TACC2: variants seen among roughly 807,000 people sequenced by gnomAD.
TACC2 encodes the protein transforming acidic coiled-coil containing protein 2.
Under a neutral mutation model 227.3 loss-of-function variants are expected in TACC2, and 137 were observed. That is an observed-to-expected ratio of 0.60 (90% CI 0.52 to 0.69). TACC2 has a LOEUF of 0.69. Among genes scored for constraint, TACC2 ranks in the 30% least tolerant of loss-of-function variants. TACC2 has a pLI of 0.00. For synonymous variants in TACC2, 1,523 were observed against 1,487.5 expected (o/e 1.02, Z -0.55); for missense variants, 3,470 against 3,694.4 (o/e 0.94, Z 1.57).
At chr10:122,118,062 G>A (rs918464364) in intron 5 of TACC2, among the ~76,000 whole-genome samples, 2 of 146,426 alleles carry the variant, frequency 1.4e-5, no homozygotes, top group African/African-American at 5.1e-5. Flanking sequence ...TGTCCGGGCT[G>A]GAGTGCAGTG....
At chr10:122,238,656 G>A (rs1374017178) in intron 18 of TACC2, among the ~76,000 whole-genome samples, 1 of 152,014 alleles carries the variant, frequency 6.6e-6, no homozygotes, top group African/African-American at 2.4e-5. Flanking sequence ...TCACCATGTT[G>A]GCCAGGCTGG....
intron 18 of TACC2, among the ~76,000 whole-genome samples, chr10:122,239,084 A>G (rs2095923997): frequency 6.6e-6 from 1 of 151,272 alleles, no homozygotes; most frequent in Non-Finnish European, 1.5e-5. Flanking sequence ...GCTCACTATA[A>G]CCTCCGCCTC....
chr10:122,072,984 G>A (rs2459065), intron 3 of TACC2, among the ~76,000 whole-genome samples: 80,781 of 150,302 alleles, frequency 0.54, 21,907 homozygotes, highest in Non-Finnish European at 0.58. Context: ...GTGGTGGCGC[G>A]GGCCTGTAGT....
At chr10:122,170,693 C>T (rs1269246624) in intron 7 of TACC2, among the ~76,000 whole-genome samples, 1 of 152,224 alleles carries the variant, frequency 6.6e-6, no homozygotes, top group Non-Finnish European at 1.5e-5. Flanking sequence ...AAACCTGTAT[C>T]TGCTTCCCAT....
At chr10:122,057,001 A>G (rs2076276215) in intron 3 of TACC2, among the ~76,000 whole-genome samples, 1 of 151,938 alleles carries the variant, frequency 6.6e-6, no homozygotes, top group African/African-American at 2.4e-5. Context: ...AGACCAGCCT[A>G]GTCAACCTGG....
chr10:122,152,430 G>C (rs1465161625), intron 7 of TACC2, among the ~76,000 whole-genome samples: 1 of 152,238 alleles, frequency 6.6e-6, no homozygotes, highest in African/African-American at 2.4e-5. Flanking sequence ...GAGCGGCTCT[G>C]CTCAAACCAC....
At chr10:122,089,127 G>T (rs1018389016) in intron 5 of TACC2, among the ~76,000 whole-genome samples, 1 of 152,042 alleles carries the variant, frequency 6.6e-6, no homozygotes, top group Non-Finnish European at 1.5e-5. Flanking sequence ...AAAAAGAAAA[G>T]AATCTTTATT....
intron 8 of TACC2, among the ~76,000 whole-genome samples, chr10:122,197,588 C>A (rs1050349480): frequency 1.3e-5 from 2 of 152,246 alleles, no homozygotes; most frequent in African/African-American, 2.4e-5. Flanking sequence ...TAAAAGATAA[C>A]CCCCACCAGG....
chr10:122,013,317 T>G (rs1956174511), intron 1 of TACC2, among the ~76,000 whole-genome samples: 1 of 152,200 alleles, frequency 6.6e-6, no homozygotes, highest in Non-Finnish European at 1.5e-5. Flanking sequence ...AGCAGCCAGG[T>G]GCTTGGTGCT....
At position 122,180,767 on chromosome 10, in the gene TACC2, G is replaced by A. The variant is rs981945139; in HGVS notation, c.5835-14273G>A. ...TTTATTTTTTTTGAGACGGAGTCTCGCTCTGTTGCCGAGGCTGGATGGAGT... is the reference window on the plus strand; with the variant it reads ...TTTATTTTTTTTGAGACGGAGTCTCACTCTGTTGCCGAGGCTGGATGGAGT... On this transcript the variant is annotated intron_variant, in intron 7 of 22. Coordinates refer to ENST00000369005, the MANE Select transcript of TACC2 (RefSeq NM_206862.4). This position sits in a 1 kb window ranked among gnomAD's most constrained non-coding sequence, Gnocchi z 4.5. Among the ~76,000 whole-genome samples the A allele has an allele frequency of 2.0e-5, 3 of 151,940 alleles. No individual in the cohort carries two copies. Among genetic ancestry groups the A allele is most frequent in the Admixed American group, 6.5e-5 (1 of 15,274 alleles).
intron 22 of TACC2, among the ~76,000 whole-genome samples, chr10:122,252,674 G>T (rs1351131149): frequency 6.6e-6 from 1 of 151,896 alleles, no homozygotes; most frequent in Non-Finnish European, 1.5e-5. Context: ...TGTATTTTTA[G>T]TAGTGACAGG....
At chr10:122,055,722 G>GAAACA (rs1352393508) in intron 3 of TACC2, among the ~76,000 whole-genome samples, 1 of 152,202 alleles carries the variant, frequency 6.6e-6, no homozygotes, top group East Asian at 1.9e-4. Context: ...AAAAGTTTAT[G>GAAACA]AAACAAAACA....
intron 11 of TACC2, among the ~76,000 whole-genome samples, chr10:122,220,778 T>C (rs2095507994): frequency 1.3e-5 from 2 of 152,244 alleles, no homozygotes; most frequent in Admixed American, 1.3e-4. Context: ...AGGACTTACT[T>C]TGAGCTGTGC....
intron 16 of TACC2, among the ~76,000 whole-genome samples, chr10:122,237,031 A>G (rs1021032155): frequency 6.6e-6 from 1 of 152,228 alleles, no homozygotes; most frequent in African/African-American, 2.4e-5. Flanking sequence ...TTGAGATCTC[A>G]TTTTGGAAGT....
chr10:122,099,345 C>T (rs1227127988), intron 5 of TACC2, among the ~76,000 whole-genome samples: 2 of 152,220 alleles, frequency 1.3e-5, no homozygotes, highest in Non-Finnish European at 2.9e-5. Context: ...GACTGCCTTT[C>T]CAGGCCACCT....
chr10:122,242,638 TTTTTC>T (rs978237408), intron 19 of TACC2, among the ~76,000 whole-genome samples: 7 of 152,182 alleles, frequency 4.6e-5, no homozygotes, highest in African/African-American at 1.4e-4. Context: ...CCTGGGCCTT[TTTTTC>T]TTTTCTTTTC....
In TACC2 at chr10:122,083,776, C is replaced by A; in HGVS notation, c.1276C>A (p.Pro426Thr). The change falls in exon 4 of 23, where the codon CCA becomes ACA. Residue 426 changes from proline to threonine, a missense_variant. Physicochemically the swap from Pro to Thr is conservative, Grantham distance 38 (BLOSUM62 -1). Transcript: ENST00000369005. Reference protein sequence around the residue: ...AHPASSLASFPAAQIPIAVEE... With the variant: ...AHPASSLASFTAAQIPIAVEE... ...TCCAGCTTCAAGCCTCGCTTCATTC[C>A]CAGCTGCTCAGATTCCTATTGCTGT... 6.2e-7 allele frequency: 1 copy of A among 1,614,154 alleles called. No homozygotes were observed. The highest frequency in any genetic ancestry group is 8.5e-7 in the Non-Finnish European group (1 of 1,180,010).
Position 122,210,752 on chromosome 10 carries a change from C to A in TACC2, c.6327C>A (p.Ala2109=). 1.2e-6 allele frequency: 2 copies of A among 1,613,928 alleles called. No homozygotes were observed. The highest frequency in any genetic ancestry group is 1.7e-6 in the Non-Finnish European group (2 of 1,180,014). The change falls in exon 9 of 23, where the codon GCC becomes GCA. Residue 2109 remains alanine, a synonymous_variant. Coordinates refer to ENST00000369005, the MANE Select transcript of TACC2 (RefSeq NM_206862.4). This position sits in a 1 kb window ranked among gnomAD's most constrained non-coding sequence, Gnocchi z 4.6. ...SSGNPEAVAL[A]PDAYSTGSSS... ...GCAATCCCGAGGCCGTGGCCCTTGCCCCAGATGCATATAGCACGGGTTCCA... is the reference window on the plus strand; with the variant it reads ...GCAATCCCGAGGCCGTGGCCCTTGCACCAGATGCATATAGCACGGGTTCCA...
chr10:122,071,480 C>T (rs920620552), intron 3 of TACC2, among the ~76,000 whole-genome samples: 8 of 151,996 alleles, frequency 5.3e-5, no homozygotes, highest in South Asian at 4.1e-4. Context: ...AGATAGTTTT[C>T]GAATTTTCTT....
Sources: gnomAD v4.1 joint callset for allele counts (sites outside exome capture counted in the v4.1 genomes callset) on GRCh38, gnomAD v4.1.1 for gene constraint, Gnocchi (gnomAD v3.1) non-coding constraint, MANE v1.5 for transcripts, NCBI Gene and HGNC (gene_info 2026-07-23, HGNC 2026-07-21) for gene names.